Variants in PLSCR2 observed in about 807,000 individuals in gnomAD.
The protein encoded by PLSCR2 is PL scramblase 2.
Under a neutral mutation model 25.3 loss-of-function variants are expected in PLSCR2, and 18 were observed. That is an observed-to-expected ratio of 0.71 (90% CI 0.49 to 1.06). The LOEUF (loss-of-function observed/expected upper bound fraction) is 1.06, where lower values mean the gene tolerates loss of function less well. Ranked by LOEUF, PLSCR2 falls within the 50% of genes least tolerant of loss-of-function variation. The pLI is 0.00. For missense variants in PLSCR2, 243 were observed against 269.5 expected, an observed-to-expected ratio of 0.90 and a Z score of 0.69; for synonymous variants, 88 against 87.3, an observed-to-expected ratio of 1.01 and a Z score of -0.04.
At chr3:146,479,555 A>G (rs892617194) in intron 1 of PLSCR2, among the ~76,000 whole-genome samples, 1 of 152,216 alleles carries the variant, frequency 6.6e-6, no homozygotes. Flanking sequence ...TCCTAAATAT[A>G]TATGCACCCA....
In PLSCR2 at chr3:146,423,282, T is replaced by TCTCTCTCTCTCTCTCTCTCTCC. The variant is rs758576585; in HGVS notation, c.101-27362_101-27361insGGAGAGAGAGAGAGAGAGAGAG. Among the ~76,000 whole-genome samples the TCTCTCTCTCTCTCTCTCTCTCC allele has an allele frequency of 1.1e-3, 110 of 100,992 alleles. 21 individuals are homozygous for TCTCTCTCTCTCTCTCTCTCTCC. The highest frequency in any genetic ancestry group is 2.0e-3 in the Admixed American group (17 of 8,522). The allele number at this position is 100,992 out of a possible 152,430, so 66.3% of individuals were successfully genotyped here. ...CTCTCTCTCTCTCTCTCTCTCTCTC[T>TCTCTCTCTCTCTCTCTCTCTCC]CCCTGGCTAGATTCTCACAAGAAAC... On this transcript the variant is annotated intron_variant and NMD_transcript_variant, in intron 2 of 3. Coordinates refer to the PLSCR2 transcript ENST00000463633.
intron 2 of PLSCR2, among the ~76,000 whole-genome samples, chr3:146,403,367 G>C (rs974240216): frequency 6.6e-6 from 1 of 152,184 alleles, no homozygotes; most frequent in East Asian, 1.9e-4. Context: ...GCTTTATAAA[G>C]CAAATTATTG....
At position 146,424,546 on chromosome 3, in the gene PLSCR2, T is replaced by C. The variant is rs183248983; in HGVS notation, c.101-28625A>G. ...TTGTGGTAGATGGTTATGCCAGCAA[T>C]AAAATCCTAATATAAATCTTGGTAC... is the stretch of plus-strand genomic sequence containing the variant. On this transcript the variant is annotated intron_variant and NMD_transcript_variant, in intron 2 of 3. Transcript: ENST00000463633. Among the ~76,000 whole-genome samples the C allele has an allele frequency of 2.0e-5, 3 of 152,224 alleles. No homozygotes were observed. In the East Asian group the frequency reaches 5.8e-4, roughly 29 times the overall value.
chr3:146,482,517 C>A (rs1355519380), intron 1 of PLSCR2, among the ~76,000 whole-genome samples: 1 of 152,128 alleles, frequency 6.6e-6, no homozygotes, highest in Non-Finnish European at 1.5e-5. Context: ...AAATCAAAAC[C>A]ACAATGAGAT....
intron 1 of PLSCR2, among the ~76,000 whole-genome samples, chr3:146,493,631 T>G (rs970258952): frequency 1.3e-5 from 2 of 152,102 alleles, no homozygotes; most frequent in African/African-American, 4.8e-5. Context: ...AGAATATACC[T>G]CAAAATAATA....
chr3:146,476,381 G>A (rs1048813334), intron 1 of PLSCR2, among the ~76,000 whole-genome samples: 2 of 152,210 alleles, frequency 1.3e-5, no homozygotes, highest in Non-Finnish European at 2.9e-5. Context: ...CCATGGATCT[G>A]TGCAACCCAT....
rs775422398 is a variant in PLSCR2, at chr3:146,415,216, T to TTTATGTG, written c.101-19296_101-19295insCACATAA. On this transcript the variant is annotated intron_variant and NMD_transcript_variant, in intron 2 of 3. Transcript: ENST00000463633. ...GTGGTTATGAAGTACTCAAATTAAATTTAAAGAACATAACACATAACTTAA... is the reference window on the plus strand; with the variant it reads ...GTGGTTATGAAGTACTCAAATTAAATTTATGTGTTAAAGAACATAACACATAACTTAA... The TTTATGTG allele has an allele frequency of 1.1e-3, 172 of 152,752 alleles. 1 individual carries two copies. The highest frequency in any genetic ancestry group is 1.7e-3 in the Non-Finnish European group (119 of 68,016). 9.5% of individuals were successfully genotyped at this position (152,752 alleles called of 1,614,324 possible).
At chr3:146,429,511 G>A (rs891828066), downstream of PLSCR2, among the ~76,000 whole-genome samples, 1 of 152,194 alleles carries the variant, frequency 6.6e-6, no homozygotes, top group African/African-American at 2.4e-5. Flanking sequence ...AGTGATGACT[G>A]AGGGTATCTA....
At chr3:146,445,938 A>G (rs2040528609) in intron 6 of PLSCR2, among the ~76,000 whole-genome samples, 1 of 152,128 alleles carries the variant, frequency 6.6e-6, no homozygotes, top group Non-Finnish European at 1.5e-5. Flanking sequence ...AGAGACTCTG[A>G]TGCATTCTTC....
intron 1 of PLSCR2, among the ~76,000 whole-genome samples, chr3:146,467,201 C>A (rs1329007925): frequency 6.6e-6 from 1 of 152,002 alleles, no homozygotes; most frequent in Non-Finnish European, 1.5e-5. Context: ...TAACATAAAG[C>A]TTATTTTGTT....
At chr3:146,471,956 A>ATTTT (rs2042134620) in intron 1 of PLSCR2, among the ~76,000 whole-genome samples, 1 of 152,030 alleles carries the variant, frequency 6.6e-6, no homozygotes, top group South Asian at 2.1e-4. Context: ...AGTGATTTTT[A>ATTTT]CTTTTATTTT....
intron 2 of PLSCR2, chr3:146,401,340 T>C (rs889132175): frequency 1.3e-5 from 2 of 152,556 alleles, no homozygotes; most frequent in Non-Finnish European, 2.9e-5. Context: ...TTTGATATGA[T>C]GGTATAAATA....
rs1417950688 is a variant in PLSCR2, at chr3:146,475,153, C to A, written c.-292-14869G>T. Among the ~76,000 whole-genome samples the A allele has an allele frequency of 2.0e-5, 3 of 152,134 alleles. No homozygotes were observed. The East Asian group carries it at 5.8e-4, about 29-fold the overall frequency. On this transcript the variant is annotated intron_variant, in intron 1 of 8. Coordinates refer to the PLSCR2 transcript ENST00000336685. ...AGCCTACTCCTGTCAATTCATCCAT[C>A]TGATCCTTTGTCCAGTTCTGTGCCC... is the stretch of plus-strand genomic sequence containing the variant.
intron 6 of PLSCR2, 86 bp downstream of exon 6, chr3:146,449,120 A>T: frequency 1.0e-6 from 1 of 971,888 alleles, no homozygotes; most frequent in East Asian, 2.5e-5. Context: ...TTTAAATGGT[A>T]ATCTTAAAAT....
At position 146,424,474 on chromosome 3, in the gene PLSCR2, T is replaced by G. The variant is rs114523819; in HGVS notation, c.101-28553A>C. ...TAAGATTCATTTTAGACTTTTGACC[T>G]CAGAAATTATAAGACAATAAATTTG... On this transcript the variant is annotated intron_variant and NMD_transcript_variant, in intron 2 of 3. Transcript: ENST00000463633. 3.2e-3 allele frequency among the ~76,000 whole-genome samples: 494 copies of G among 152,232 alleles called. 4 individuals carry two copies. The highest frequency in any genetic ancestry group is 0.011 in the African/African-American group (471 of 41,552).
intron 2 of PLSCR2, among the ~76,000 whole-genome samples, chr3:146,426,277 T>TTC (rs1361534929): frequency 0.077 from 11,282 of 145,688 alleles, 598 homozygotes; most frequent in African/African-American, 0.14. Context: ...TTCCTTCTTT[T>TTC]CTTCCTTCCT....
chr3:146,415,377 A>AATT (rs907888775), intron 2 of PLSCR2, among the ~76,000 whole-genome samples: 9 of 152,048 alleles, frequency 5.9e-5, no homozygotes, highest in Non-Finnish European at 1.3e-4. Context: ...GCAAATGAAA[A>AATT]ATTATTATTA....
intron 2 of PLSCR2, among the ~76,000 whole-genome samples, chr3:146,403,342 G>C (rs563437065): frequency 1.3e-5 from 2 of 152,108 alleles, no homozygotes; most frequent in African/African-American, 4.8e-5. Context: ...AGCCTGCATC[G>C]AGGTCACCTG....
At chr3:146,477,232 G>A (rs2042319942) in intron 1 of PLSCR2, among the ~76,000 whole-genome samples, 1 of 152,196 alleles carries the variant, frequency 6.6e-6, no homozygotes, top group East Asian at 1.9e-4. Flanking sequence ...ATTGGGACTG[G>A]TTGGACAATG....
Sources: gnomAD v4.1 joint callset for allele counts (sites outside exome capture counted in the v4.1 genomes callset) on GRCh38, gnomAD v4.1.1 for gene constraint, MANE v1.5 for transcripts, NCBI Gene and HGNC (gene_info 2026-07-23, HGNC 2026-07-21) for gene names.